The following FECH variants were observed in gnomAD, a reference collection of about 807,000 sequenced individuals.
The protein encoded by FECH is ferrochelatase, mitochondrial.
Under a neutral mutation model 56.9 loss-of-function variants are expected in FECH, and 40 were observed. That is an observed-to-expected ratio of 0.70 (90% CI 0.55 to 0.92). FECH has a LOEUF of 0.92. Among genes scored for constraint, FECH ranks in the 40% least tolerant of loss-of-function variants. FECH has a pLI of 0.00. For missense variants in FECH, 431 were observed against 529.1 expected, an observed-to-expected ratio of 0.81 and a Z score of 1.82; for synonymous variants, 175 against 198.6, an observed-to-expected ratio of 0.88 and a Z score of 1.00.
Position 57,577,790 on chromosome 18 carries a change from C to T in FECH, c.194+2283G>A, listed in dbSNP as rs1242880382. ...GACAAAATTGGCCTGGCTGGTCGCT[C>T]ACACCTGTAATCCCAGCACTCTGGG... On this transcript the variant is annotated intron_variant, in intron 2 of 10. Coordinates refer to ENST00000262093, the MANE Select transcript of FECH (RefSeq NM_000140.5). 3.3e-5 allele frequency among the ~76,000 whole-genome samples: 5 copies of T among 152,288 alleles called. No homozygotes were observed. In the East Asian group the frequency reaches 9.7e-4, roughly 29 times the overall value.
In FECH at chr18:57,550,706, C is replaced by T. The variant is rs564058031; in HGVS notation, c.*6G>A. On this transcript the variant is annotated 3_prime_UTR_variant, in exon 11 of 11. Coordinates refer to ENST00000262093, the MANE Select transcript of FECH (RefSeq NM_000140.5). ...TGCCTAACGCCACGGGGTCCACCGGCGGGGGTCACAGCTGCTGGCTGGTGA... is the reference window on the plus strand; with the variant it reads ...TGCCTAACGCCACGGGGTCCACCGGTGGGGGTCACAGCTGCTGGCTGGTGA... 10 of 1,613,984 alleles carry T rather than the reference C, an allele frequency of 6.2e-6. No individual in the cohort carries two copies. Among genetic ancestry groups the T allele is most frequent in the Admixed American group, 3.3e-5 (2 of 60,020 alleles).
chr18:57,568,914 C>T, intron 4 of FECH, among the ~76,000 whole-genome samples: 1 of 152,204 alleles, frequency 6.6e-6, no homozygotes, highest in Non-Finnish European at 1.5e-5. Context: ...CATGTTAATG[C>T]CTCTCAGGAT....
intron 2 of FECH, among the ~76,000 whole-genome samples, chr18:57,574,015 T>G (rs2051152083): frequency 6.6e-6 from 1 of 152,246 alleles, no homozygotes. Flanking sequence ...TTTTTACATT[T>G]TATTTTTGAA....
rs3760613 is a variant in FECH at position 57,550,231 on chromosome 18, T to C, written c.*481A>G. 0.018 allele frequency: 2,795 copies of C among 154,672 alleles called. 43 individuals carry two copies. The highest frequency in any genetic ancestry group is 0.09 in the East Asian group (473 of 5,266). 9.6% of individuals were successfully genotyped at this position (154,672 alleles called of 1,614,324 possible). ...CCTAGCATTCTGTAACCCATGGGCT[T>C]AGGGAAAGATTAAGTAACATTTCTT... On this transcript the variant is annotated 3_prime_UTR_variant, in exon 11 of 11. Coordinates refer to ENST00000262093, the MANE Select transcript of FECH (RefSeq NM_000140.5).
In FECH at chr18:57,551,320, A is replaced by G. The variant is rs2050795193; in HGVS notation, c.1132T>C (p.Ser378Pro). Reference protein sequence around the residue: ...AESLNGNPLFSKALADLVHSH... With the variant: ...AESLNGNPLFPKALADLVHSH... ...GATTGTAACACTGTAGATACCTTAGAGAACAATGGATTTCCATTAAGAGAC... is the reference window on the plus strand; with the variant it reads ...GATTGTAACACTGTAGATACCTTAGGGAACAATGGATTTCCATTAAGAGAC... Residue 378 changes from serine (S) to proline (P), a missense_variant, in exon 10 of 11, where the codon TCT (serine) becomes CCT (proline). Coordinates refer to ENST00000262093, the MANE Select transcript of FECH (RefSeq NM_000140.5). 2 of 1,609,078 alleles carry G rather than the reference A, an allele frequency of 1.2e-6. No homozygotes were observed. The highest frequency in any genetic ancestry group is 1.7e-5 in the Admixed American group (1 of 59,996).
Position 57,549,787 on chromosome 18 carries a change from A to C in FECH, c.*925T>G, listed in dbSNP as rs996850216. On this transcript the variant is annotated 3_prime_UTR_variant, in exon 11 of 11. Coordinates refer to ENST00000262093, the MANE Select transcript of FECH (RefSeq NM_000140.5). ...TATAATAAAAAATCGTAAATTAAGAAAGAATTCAAGCAAAGTATTGTTGAC... is the reference window on the plus strand; with the variant it reads ...TATAATAAAAAATCGTAAATTAAGACAGAATTCAAGCAAAGTATTGTTGAC... 2 of 152,238 alleles carry C rather than the reference A, an allele frequency of 1.3e-5. No homozygotes were observed. Among genetic ancestry groups the C allele is most frequent in the African/African-American group, 4.8e-5 (2 of 41,466 alleles). 9.4% of individuals were successfully genotyped at this position (152,238 alleles called of 1,614,324 possible). A position where few individuals can be genotyped will look rare whatever the true frequency, so the allele number is the denominator to read the frequency against.
intron 8 of FECH, 24 bp downstream of exon 8, chr18:57,554,821 C>A (rs1168926246): frequency 1.3e-6 from 2 of 1,585,710 alleles, no homozygotes. Context: ...GAGCTGGCCG[C>A]CCGCCAGTGT....
intron 8 of FECH, 144 bp from the exon 9 acceptor site, chr18:57,554,568 C>A: frequency 1.1e-6 from 1 of 907,564 alleles, no homozygotes; most frequent in Middle Eastern, 3.2e-4. Context: ...TTGATATTTT[C>A]ACATGGAAAC....
intron 4 of FECH, among the ~76,000 whole-genome samples, chr18:57,569,233 A>G (rs1192682160): frequency 1.3e-5 from 2 of 152,202 alleles, no homozygotes; most frequent in Non-Finnish European, 1.5e-5. Flanking sequence ...TTCTGTATCT[A>G]TTCTCTACAT....
chr18:57,572,114 G>A (rs558250098), intron 3 of FECH, among the ~76,000 whole-genome samples: 2 of 152,202 alleles, frequency 1.3e-5, no homozygotes, highest in South Asian at 2.1e-4. Context: ...TCGATATAAC[G>A]TTATGAAACA....
In FECH at chr18:57,545,905, G is replaced by A. The variant is rs986148580; in HGVS notation, c.*4807C>T. Among the ~76,000 whole-genome samples the A allele has an allele frequency of 3.9e-5, 6 of 152,150 alleles. No homozygotes were observed. Among genetic ancestry groups the A allele is most frequent in the Admixed American group, 2.0e-4 (3 of 15,280 alleles). On this transcript the variant is annotated 3_prime_UTR_variant, in exon 11 of 11. Coordinates refer to ENST00000262093, the MANE Select transcript of FECH (RefSeq NM_000140.5). ...CTGGGGATCTAACATACAGCATGGC[G>A]AATGTAGTTAATAATACTTCAAGTA...
rs1164429938 is a variant in FECH at position 57,550,662 on chromosome 18, T to C, written c.*50A>G. On this transcript the variant is annotated 3_prime_UTR_variant, in exon 11 of 11. Transcript: ENST00000262093. ...AATAACACCCTCTCCACATCGGAGG[T>C]ATCTGGAGGTTGGGCATTTGCCTAA... 1 of 1,609,900 alleles carries C rather than the reference T, an allele frequency of 6.2e-7. No homozygotes were observed. The highest frequency in any genetic ancestry group is 8.5e-7 in the Non-Finnish European group (1 of 1,177,008).
intron 3 of FECH, among the ~76,000 whole-genome samples, chr18:57,571,842 G>A (rs1401621002): frequency 1.3e-5 from 2 of 152,192 alleles, no homozygotes; most frequent in Non-Finnish European, 2.9e-5. Context: ...CTAGCTACTA[G>A]CGTAACACAT....
chr18:57,546,400 T>C lies in FECH; in HGVS notation c.*4312A>G, dbSNP rs1202236416. 6.6e-6 allele frequency among the ~76,000 whole-genome samples: 1 copy of C among 152,084 alleles called. No individual in the cohort carries two copies. The highest frequency in any genetic ancestry group is 1.5e-5 in the Non-Finnish European group (1 of 68,004). On this transcript the variant is annotated 3_prime_UTR_variant, in exon 11 of 11. Transcript: ENST00000262093. ...CTAGGAATGCAGGTGCCCCCAGTCA[T>C]CTACACTCTGAGCAGGGGGCAGGTC...
chr18:57,583,090 C>T (rs562696727), intron 1 of FECH, among the ~76,000 whole-genome samples: 12 of 152,246 alleles, frequency 7.9e-5, no homozygotes, highest in African/African-American at 2.9e-4. Context: ...AGAATGATGT[C>T]GCTGCCAAGG....
At position 57,548,674 on chromosome 18, in the gene FECH, A is replaced by G. The variant is rs1466250112; in HGVS notation, c.*2038T>C. 2 of 152,258 alleles carry G rather than the reference A, an allele frequency of 1.3e-5. No individual in the cohort carries two copies. The highest frequency in any genetic ancestry group is 4.8e-5 in the African/African-American group (2 of 41,470). 9.4% of individuals were successfully genotyped at this position (152,258 alleles called of 1,614,324 possible). On this transcript the variant is annotated 3_prime_UTR_variant, in exon 11 of 11. Transcript: ENST00000262093. ...TCCGTGGTTAGTAACAATCAAAGGC[A>G]ACACTTCTTACAGCAACAAATGCCA... is the stretch of plus-strand genomic sequence containing the variant.
At chr18:57,563,368 G>A (rs2050971271) in intron 5 of FECH, among the ~76,000 whole-genome samples, 4 of 152,088 alleles carry the variant, frequency 2.6e-5, no homozygotes, top group Admixed American at 2.0e-4. Flanking sequence ...GATCACCTGA[G>A]GTTGGGAGTT....
intron 1 of FECH, 102 bp from the exon 2 acceptor site, chr18:57,580,301 C>T: frequency 7.0e-7 from 1 of 1,428,270 alleles, no homozygotes; most frequent in East Asian, 2.4e-5. Context: ...TTAAAGAGAT[C>T]CCATGGCAGA....
Position 57,549,424 on chromosome 18 carries a change from T to TTAAAAAAA in FECH, c.*1287_*1288insTTTTTTTA, listed in dbSNP as rs59569925. The TTAAAAAAA allele has an allele frequency of 1.4e-5, 2 of 141,706 alleles. No homozygotes were observed. Among genetic ancestry groups the TTAAAAAAA allele is most frequent in the Non-Finnish European group, 1.5e-5 (1 of 66,006 alleles). The allele number at this position is 141,706 out of a possible 1,614,324, so 8.8% of individuals were successfully genotyped here. A position where few individuals can be genotyped will look rare whatever the true frequency, so the allele number is the denominator to read the frequency against. On this transcript the variant is annotated 3_prime_UTR_variant, in exon 11 of 11. Transcript: ENST00000262093. Reference sequence around the variant, plus strand: ...TAATACTTCCACTTTATAAACTGGCTAAAAAAAAAAAAAAAAAGAAACGCT... The same window carrying TTAAAAAAA: ...TAATACTTCCACTTTATAAACTGGCTTAAAAAAAAAAAAAAAAAAAAAAAAGAAACGCT...
Sources: gnomAD v4.1 joint callset for allele counts (sites outside exome capture counted in the v4.1 genomes callset) on GRCh38, gnomAD v4.1.1 for gene constraint, MANE v1.5 for transcripts, NCBI Gene and HGNC (gene_info 2026-07-23, HGNC 2026-07-21) for gene names.